SDHA: variants seen among roughly 807,000 people sequenced by gnomAD.
The protein encoded by SDHA is succinate dehydrogenase [ubiquinone] flavoprotein subunit, mitochondrial.
In SDHA, 48 loss-of-function variants were observed where a neutral mutation model predicts 78.4. The ratio of observed to expected loss-of-function variants is 0.61; its 90% CI spans 0.49 to 0.78. The LOEUF (loss-of-function observed/expected upper bound fraction) is 0.78. SDHA is among the 30% of genes least tolerant of loss of function. The pLI is 0.00. For missense variants in SDHA, 680 were observed against 892.7 expected (o/e 0.76, Z 3.04); for synonymous variants, 326 against 353.9 (o/e 0.92, Z 0.88).
chr5:225,452 G>A lies in SDHA; in HGVS notation c.346G>A (p.Glu116Lys). The A allele has an allele frequency of 1.2e-6, 2 of 1,613,136 alleles. No homozygotes were observed. The highest frequency in any genetic ancestry group is 1.7e-6 in the Non-Finnish European group (2 of 1,179,870). ...GINAALGNME[E>K]DNWRWHFYDT... ...CAATGCTGCTCTGGGGAACATGGAG[G>A]AGGACAACTGGAGGTGGCATTTCTA... Residue 116 changes from glutamate to lysine, a missense_variant, in exon 4 of 15, where the codon GAG (glutamate) becomes AAG (lysine). Coordinates refer to ENST00000264932, the MANE Select transcript of SDHA (RefSeq NM_004168.4).
chr5:257,502 C>CGG (rs113834887), downstream of SDHA, among the ~76,000 whole-genome samples: 17,090 of 94,938 alleles, frequency 0.18, 3,946 homozygotes, highest in African/African-American at 0.49. Context: ...CAGAGCGTTA[C>CGG]CGTGAGCTCC....
chr5:262,883 T>C, the SDHA span, among the ~76,000 whole-genome samples: 2 of 152,238 alleles, frequency 1.3e-5, no homozygotes, highest in East Asian at 3.8e-4. Flanking sequence ...GATAAATTTG[T>C]TCCTTAAAGT....
chr5:241,887 C>T (rs1380345949), intron 11 of SDHA, among the ~76,000 whole-genome samples: 5 of 152,178 alleles, frequency 3.3e-5, no homozygotes, highest in Non-Finnish European at 7.3e-5. Flanking sequence ...TGATGCCCTG[C>T]AGTACTATTG....
At chr5:226,928 C>CAAA (rs554077502) in intron 5 of SDHA, among the ~76,000 whole-genome samples, 13 of 82,544 alleles carry the variant, frequency 1.6e-4, no homozygotes, top group South Asian at 4.9e-4. Context: ...GACTCCATCT[C>CAAA]AAAAAAAAAA....
At chr5:226,343 G>A (rs1440847960) in intron 5 of SDHA, among the ~76,000 whole-genome samples, 1 of 152,154 alleles carries the variant, frequency 6.6e-6, no homozygotes, top group Non-Finnish European at 1.5e-5. Flanking sequence ...CAAGAGCAGA[G>A]CAAGCAGGCC....
Position 240,338 on chromosome 5 carries a change from C to A in SDHA, c.1433-20C>A. On this transcript the variant is annotated intron_variant, in intron 10 of 14. Transcript: ENST00000264932. ...TAAAACGGTTTTCAAAAGTTAAATT[C>A]TAGCTTTTTTTTGTTTTAGGAGATA... 1.3e-6 allele frequency: 2 copies of A among 1,493,620 alleles called. No individual in the cohort carries two copies. The highest frequency in any genetic ancestry group is 1.9e-6 in the Non-Finnish European group (2 of 1,072,174). The allele number at this position is 1,493,620 out of a possible 1,614,324, so 92.5% of individuals were successfully genotyped here.
intron 11 of SDHA, 86 bp downstream of exon 11, chr5:240,562 G>A: frequency 1.2e-6 from 1 of 845,464 alleles, no homozygotes; most frequent in Non-Finnish European, 2.1e-6. Context: ...ACTAGATCTA[G>A]GGGGATGCAG....
chr5:225,350 G>A (rs1002981208), intron 3 of SDHA, 69 bp from the exon 4 acceptor site: 27 of 1,605,740 alleles, frequency 1.7e-5, no homozygotes, highest in Non-Finnish European at 2.2e-5. Flanking sequence ...CCCAGCGGGT[G>A]GATTTGGGCC....
At chr5:233,124 A>C (rs1579401402) in intron 7 of SDHA, among the ~76,000 whole-genome samples, 1 of 152,258 alleles carries the variant, frequency 6.6e-6, no homozygotes, top group African/African-American at 2.4e-5. Flanking sequence ...ATTCTTAACT[A>C]GTCACCACAG....
chr5:238,433 A>T (rs961357950), intron 10 of SDHA, among the ~76,000 whole-genome samples: 1 of 150,016 alleles, frequency 6.7e-6, no homozygotes, highest in African/African-American at 2.5e-5. Context: ...ACATATATAT[A>T]CACATATATA....
intron 9 of SDHA, 29 bp downstream of exon 9, chr5:235,368 T>C: frequency 6.2e-7 from 1 of 1,611,494 alleles, no homozygotes; most frequent in South Asian, 1.1e-5. Context: ...CCCCCACAGC[T>C]GGAAAGAAGG....
chr5:258,499 CGT>C (rs1737354290), downstream of SDHA, among the ~76,000 whole-genome samples: 1 of 93,498 alleles, frequency 1.1e-5, no homozygotes, highest in Non-Finnish European at 1.9e-5. Flanking sequence ...AGAGCATTAC[CGT>C]GTGAGCTCCG....
rs1264106664 is a variant in SDHA at position 256,605 on chromosome 5, C to G, written c.*185C>G. ...AACCCAGTGGCCAGGGAGCGTGGCA[C>G]TTACCTTTGTCCCTTGCTTCATTCT... On this transcript the variant is annotated 3_prime_UTR_variant, in exon 15 of 15. Coordinates refer to ENST00000264932, the MANE Select transcript of SDHA (RefSeq NM_004168.4). 10 of 642,704 alleles carry G rather than the reference C, an allele frequency of 1.6e-5. No individual in the cohort carries two copies. The highest frequency in any genetic ancestry group is 2.3e-5 in the Admixed American group (1 of 43,106). The allele number at this position is 642,704 out of a possible 1,614,324, so 39.8% of individuals were successfully genotyped here.
chr5:247,338 A>G (rs1736525160), intron 11 of SDHA, among the ~76,000 whole-genome samples: 1 of 152,244 alleles, frequency 6.6e-6, no homozygotes, highest in Non-Finnish European at 1.5e-5. Context: ...TAGGAGTAGA[A>G]TGCACCCTTT....
rs1159183269 is a variant in SDHA, at chr5:218,341, G to A, written c.-15G>A. ...GCGCAGGGACTGGCGGGACTGCGCGGCGGCAACAGCAGACATGTCGGGGGT... is the reference window on the plus strand; with the variant it reads ...GCGCAGGGACTGGCGGGACTGCGCGACGGCAACAGCAGACATGTCGGGGGT... On this transcript the variant is annotated 5_prime_UTR_variant, in exon 1 of 15. Coordinates refer to ENST00000264932, the MANE Select transcript of SDHA (RefSeq NM_004168.4). 2.1e-6 allele frequency: 3 copies of A among 1,446,380 alleles called. No individual in the cohort carries two copies. The highest frequency in any genetic ancestry group is 5.6e-5 in the East Asian group (2 of 35,808). 89.6% of individuals were successfully genotyped at this position (1,446,380 alleles called of 1,614,324 possible).
intron 11 of SDHA, among the ~76,000 whole-genome samples, chr5:243,114 G>A (rs1245118272): frequency 1.3e-5 from 2 of 152,188 alleles, no homozygotes; most frequent in Non-Finnish European, 2.9e-5. Flanking sequence ...CAGGAATTCA[G>A]CAAGCTAGAT....
At position 256,378 on chromosome 5, in the gene SDHA, G is replaced by A. The variant is rs1579448683; in HGVS notation, c.1953G>A (p.Glu651=). The change falls in exon 15 of 15, where the codon GAG becomes GAA. Residue 651 remains glutamate, a synonymous_variant. Coordinates refer to ENST00000264932, the MANE Select transcript of SDHA (RefSeq NM_004168.4). The part of the protein sequence containing the change: ...YRPVIDKTLN[E]ADCATVPPAI... ...CCGTGATCGACAAAACTTTGAACGA[G>A]GCTGACTGTGCCACCGTCCCGCCAG... 2 of 1,613,930 alleles carry A rather than the reference G, an allele frequency of 1.2e-6. No homozygotes were observed. Among genetic ancestry groups the A allele is most frequent in the Non-Finnish European group, 1.7e-6 (2 of 1,179,822 alleles).
intron 5 of SDHA, 22 bp from the exon 6 acceptor site, chr5:228,163 C>CTTT (rs3835068): frequency 6.3e-7 from 1 of 1,593,254 alleles, no homozygotes; most frequent in African/African-American, 1.3e-5. Flanking sequence ...ACTTCTTGCC[C>CTTT]TTTTTTTTTC....
chr5:233,767 T>C, intron 8 of SDHA, 122 bp downstream of exon 8: 12 of 980,886 alleles, frequency 1.2e-5, no homozygotes, highest in Non-Finnish European at 1.8e-5. Context: ...CCACCTCTCT[T>C]AGCTGCTGGC....
Sources: gnomAD v4.1 joint callset for allele counts (sites outside exome capture counted in the v4.1 genomes callset) on GRCh38, gnomAD v4.1.1 for gene constraint, MANE v1.5 for transcripts, NCBI Gene and HGNC (gene_info 2026-07-23, HGNC 2026-07-21) for gene names.